Variants in NDRG1 observed in about 807,000 individuals in gnomAD.
NDRG1 encodes the protein protein NDRG1.
A neutral mutation model predicts 56.9 loss-of-function variants in NDRG1; 32 were observed. The observed-to-expected ratio is 0.56, with a 90% confidence interval of 0.42 to 0.76. The LOEUF (loss-of-function observed/expected upper bound fraction) is 0.76. NDRG1 is among the 30% of genes least tolerant of loss of function. NDRG1 has a pLI of 0.00. For missense variants in NDRG1, 507 were observed against 545.7 expected, an observed-to-expected ratio of 0.93 and a Z score of 0.71; for synonymous variants, 211 against 204.1, an observed-to-expected ratio of 1.03 and a Z score of -0.29.
chr8:133,282,553 C>A lies in NDRG1; in HGVS notation c.63+1696G>T, dbSNP rs10956700. ...ATATGGTGATATGTATTTGTTCTAT[C>A]TAGAAGTTTCTGTTTGACTATTTCA... On this transcript the variant is annotated intron_variant, in intron 2 of 15. Transcript: ENST00000323851. 9.2e-5 allele frequency among the ~76,000 whole-genome samples: 14 copies of A among 152,352 alleles called. No individual in the cohort carries two copies. The East Asian group carries it at 2.3e-3, about 25-fold the overall frequency.
intron 12 of NDRG1, 86 bp downstream of exon 12, chr8:133,247,789 G>A: frequency 7.2e-7 from 1 of 1,391,668 alleles, no homozygotes; most frequent in South Asian, 1.2e-5. Context: ...CAGAGGAGAG[G>A]AGGGGCAGGC....
intron 3 of NDRG1, among the ~76,000 whole-genome samples, chr8:133,265,981 C>T (rs961769738): frequency 6.6e-6 from 1 of 152,262 alleles, no homozygotes; most frequent in African/African-American, 2.4e-5. Flanking sequence ...GCTCTGCTCC[C>T]ACAGGGCAGT....
intron 9 of NDRG1, among the ~76,000 whole-genome samples, chr8:133,250,908 TAAA>T (rs75259677): frequency 4.0e-5 from 5 of 124,876 alleles, no homozygotes; most frequent in African/African-American, 3.0e-5. Flanking sequence ...TCAGATCTCT[TAAA>T]AAAAAAAAAA....
At position 133,256,801 on chromosome 8, in the gene NDRG1, G is replaced by T. The variant is rs753045177; in HGVS notation, c.513C>A (p.Gly171=). The T allele has an allele frequency of 6.2e-7, 1 of 1,614,172 alleles. No individual in the cohort carries two copies. The highest frequency in any genetic ancestry group is 8.5e-7 in the Non-Finnish European group (1 of 1,180,020). Residue 171 remains glycine, a synonymous_variant, in exon 8 of 16, where the codon GGC becomes GGA. Coordinates refer to ENST00000323851, the MANE Select transcript of NDRG1 (RefSeq NM_006096.4). Reference sequence around the variant, plus strand: ...CCTTGGAGGCGGCCCAGTCCATCCAGCCTTCCGCACAAGGGTTCACGTTGA... The same window carrying T: ...CCTTGGAGGCGGCCCAGTCCATCCATCCTTCCGCACAAGGGTTCACGTTGA... ...VLINVNPCAE[G]WMDWAASKIS...
chr8:133,253,226 G>A (rs1449507139), intron 9 of NDRG1, among the ~76,000 whole-genome samples: 5 of 152,216 alleles, frequency 3.3e-5, no homozygotes, highest in East Asian at 1.9e-4. Context: ...CTCACTTCTA[G>A]CATGCTGTGA....
At chr8:133,289,333 C>G (rs1489742133) in intron 1 of NDRG1, among the ~76,000 whole-genome samples, 1 of 152,140 alleles carries the variant, frequency 6.6e-6, no homozygotes. Flanking sequence ...CAAACAGTTG[C>G]TTAATTCATC....
intron 1 of NDRG1, among the ~76,000 whole-genome samples, chr8:133,293,768 A>G: frequency 6.6e-6 from 1 of 152,164 alleles, no homozygotes; most frequent in East Asian, 1.9e-4. Context: ...ACAACAGCAT[A>G]TCCCCTGATG....
Position 133,254,709 on chromosome 8 carries a change from T to C in NDRG1, c.538-114A>G, listed in dbSNP as rs980658106. The C allele has an allele frequency of 1.3e-5, 13 of 1,025,628 alleles. 1 individual carries two copies. The South Asian group carries it at 1.6e-4, about 13-fold the overall frequency. 63.5% of individuals were successfully genotyped at this position (1,025,628 alleles called of 1,614,324 possible). A position where few individuals can be genotyped will look rare whatever the true frequency, so the allele number is the denominator to read the frequency against. The stretch of plus-strand genomic sequence containing the variant: ...TGGCATTGCTGGACTCCCCCCTACA[T>C]GCAGGCCTCAAGGACATCCCCCTTG... On this transcript the variant is annotated intron_variant, in intron 8 of 15. Coordinates refer to ENST00000323851, the MANE Select transcript of NDRG1 (RefSeq NM_006096.4).
In NDRG1 at chr8:133,237,356, T is replaced by C. The variant is rs1855111153; in HGVS notation, c.*1522A>G. On this transcript the variant is annotated 3_prime_UTR_variant, in exon 16 of 16. Transcript: ENST00000323851. ...GTGATGGGCGGCAGGTAACGAGTCATTGCCTCTCACGCCACCTGGAAGGCT... is the reference window on the plus strand; with the variant it reads ...GTGATGGGCGGCAGGTAACGAGTCACTGCCTCTCACGCCACCTGGAAGGCT... 4.3e-6 allele frequency: 1 copy of C among 232,174 alleles called. No homozygotes were observed. Among genetic ancestry groups the C allele is most frequent in the East Asian group, 6.1e-5 (1 of 16,442 alleles). 14.4% of individuals were successfully genotyped at this position (232,174 alleles called of 1,614,324 possible).
Position 133,284,304 on chromosome 8 carries a change from C to A in NDRG1, c.8G>T (p.Arg3Leu). The A allele has an allele frequency of 6.2e-7, 1 of 1,614,124 alleles. No individual in the cohort carries two copies. The highest frequency in any genetic ancestry group is 8.5e-7 in the Non-Finnish European group (1 of 1,180,036). ...AGCGAGGTCTACATCCTGCATCTCC[C>A]GAGACATGTCCCTGCTGTCACCTGC... MS[R>L]EMQDVDLAEV... The change falls in exon 2 of 16, where the codon CGG becomes CTG. Residue 3 changes from arginine to leucine, a missense_variant. Transcript: ENST00000323851.
chr8:133,270,272 A>C lies in NDRG1; in HGVS notation c.100-5620T>G, dbSNP rs1857126387. Among the ~76,000 whole-genome samples, 3 of 152,288 alleles carry C rather than the reference A, an allele frequency of 2.0e-5. No individual in the cohort carries two copies. The South Asian group carries it at 6.2e-4, about 32-fold the overall frequency. On this transcript the variant is annotated intron_variant, in intron 3 of 15. Transcript: ENST00000323851. ...AAGTGGGGAAACAGGACCTAACACCAAGCATGCCTTAAAGATTTCATCTCT... is the reference window on the plus strand; with the variant it reads ...AAGTGGGGAAACAGGACCTAACACCCAGCATGCCTTAAAGATTTCATCTCT...
At position 133,248,789 on chromosome 8, in the gene NDRG1, A is replaced by G; in HGVS notation, c.699-18T>C. On this transcript the variant is annotated intron_variant, in intron 10 of 15. Transcript: ENST00000323851. ...CGCGCCGGCTGCAGGAAACAAATGCATCATTAGCATGAGGACCCCTCCCCT... is the reference window on the plus strand; with the variant it reads ...CGCGCCGGCTGCAGGAAACAAATGCGTCATTAGCATGAGGACCCCTCCCCT... 6.2e-7 allele frequency: 1 copy of G among 1,614,016 alleles called. No individual in the cohort carries two copies. The highest frequency in any genetic ancestry group is 8.5e-7 in the Non-Finnish European group (1 of 1,180,014).
chr8:133,295,671 C>T (rs138371526), intron 1 of NDRG1, among the ~76,000 whole-genome samples: 1 of 152,326 alleles, frequency 6.6e-6, no homozygotes, highest in African/African-American at 2.4e-5. Flanking sequence ...GAAAAATTCG[C>T]CTTGAAACTA....
At chr8:133,251,222 G>A (rs561844965) in intron 9 of NDRG1, among the ~76,000 whole-genome samples, 1 of 152,204 alleles carries the variant, frequency 6.6e-6, no homozygotes, top group Non-Finnish European at 1.5e-5. Flanking sequence ...CAAACAACTT[G>A]TTTGCTCTGT....
At chr8:133,284,361 C>T in intron 1 of NDRG1, 32 bp from the exon 2 acceptor site, 1 of 1,607,992 alleles carries the variant, frequency 6.2e-7, no homozygotes, top group East Asian at 2.2e-5. Context: ...AAGGTCAACA[C>T]TTCCTGCTGA....
intron 5 of NDRG1, among the ~76,000 whole-genome samples, chr8:133,259,691 A>G (rs938917301): frequency 1.5e-5 from 2 of 136,512 alleles, no homozygotes; most frequent in African/African-American, 5.8e-5. Flanking sequence ...AACAGGCATG[A>G]ATGAGTTCCA....
chr8:133,244,748 C>G, intron 13 of NDRG1: 2 of 432,150 alleles, frequency 4.6e-6, no homozygotes, highest in Admixed American at 3.5e-5. Context: ...AGGCCAGGAT[C>G]TCTCTGACCC....
intron 1 of NDRG1, among the ~76,000 whole-genome samples, chr8:133,289,062 C>A (rs1282968966): frequency 6.6e-6 from 1 of 152,114 alleles, no homozygotes; most frequent in East Asian, 1.9e-4. Context: ...TTTATCGAAT[C>A]TCTTTTTAAA....
chr8:133,270,044 C>T (rs1857115412), intron 3 of NDRG1, among the ~76,000 whole-genome samples: 1 of 152,264 alleles, frequency 6.6e-6, no homozygotes, highest in Non-Finnish European at 1.5e-5. Flanking sequence ...CTCTTCTTTG[C>T]AGCACGACCA....
Sources: allele counts gnomAD v4.1 joint callset (sites outside exome capture counted in the v4.1 genomes callset), GRCh38; gene constraint gnomAD v4.1.1; transcripts MANE v1.5; gene names NCBI Gene and HGNC (gene_info 2026-07-23, HGNC 2026-07-21).